Variants in CADM1 observed in about 807,000 individuals in gnomAD.
CADM1 encodes the protein cell adhesion molecule 1.
In CADM1, 15 loss-of-function variants were observed where a neutral mutation model predicts 53.1. The observed-to-expected ratio is 0.28, with a 90% CI of 0.19 to 0.44. The LOEUF is 0.44. Ranked by LOEUF, CADM1 falls within the 20% of genes least tolerant of loss-of-function variation. The pLI is 1.00. For synonymous variants in CADM1, 281 were observed against 243.0 expected (o/e 1.16, Z -1.45); for missense variants, 434 against 611.3 (o/e 0.71, Z 3.06).
chr11:115,209,799 A>T, intron 7 of CADM1, 142 bp from the exon 8 acceptor site: 1 of 970,948 alleles, frequency 1.0e-6, no homozygotes, highest in Non-Finnish European at 1.6e-6. Flanking sequence ...TCCCTGCAAG[A>T]TTTATGTCTT....
chr11:115,433,011 C>T (rs991334296), intron 1 of CADM1, among the ~76,000 whole-genome samples: 5 of 152,154 alleles, frequency 3.3e-5, no homozygotes, highest in African/African-American at 1.2e-4. Context: ...ATCATGGTTA[C>T]CAACATCCAA....
At chr11:115,398,732 T>C (rs950145713) in intron 1 of CADM1, among the ~76,000 whole-genome samples, 1 of 152,222 alleles carries the variant, frequency 6.6e-6, no homozygotes, top group Non-Finnish European at 1.5e-5. Flanking sequence ...CTAAGGCCAC[T>C]TGTGAAACAA....
intron 5 of CADM1, among the ~76,000 whole-genome samples, chr11:115,225,120 G>A (rs773644830): frequency 1.3e-5 from 2 of 152,152 alleles, no homozygotes; most frequent in Non-Finnish European, 2.9e-5. Context: ...GTCTCAGAAT[G>A]AAAGCTAGAA....
intron 1 of CADM1, among the ~76,000 whole-genome samples, chr11:115,475,600 A>G (rs773978687): frequency 2.0e-4 from 30 of 152,358 alleles, no homozygotes; most frequent in Non-Finnish European, 4.0e-4. Context: ...AAAGAAATGA[A>G]CAACTGATAG....
intron 1 of CADM1, among the ~76,000 whole-genome samples, chr11:115,307,360 G>A (rs1025830482): frequency 1.3e-5 from 2 of 151,770 alleles, no homozygotes; most frequent in African/African-American, 4.8e-5. Context: ...CAGAAAACAT[G>A]TTCCTCAAAG....
chr11:115,178,430 C>T (rs923838485), intron 11 of CADM1, among the ~76,000 whole-genome samples: 6 of 151,594 alleles, frequency 4.0e-5, no homozygotes, highest in Admixed American at 3.9e-4. Flanking sequence ...TCAAGGAGTG[C>T]TACTCATCAA....
chr11:115,319,593 A>C (rs1944767971), intron 1 of CADM1, among the ~76,000 whole-genome samples: 1 of 152,178 alleles, frequency 6.6e-6, no homozygotes, highest in South Asian at 2.1e-4. Context: ...AAGTACTCCT[A>C]AAATAAACAG....
intron 1 of CADM1, among the ~76,000 whole-genome samples, chr11:115,495,040 A>G (rs1949579879): frequency 6.6e-6 from 1 of 152,196 alleles, no homozygotes; most frequent in Admixed American, 6.5e-5. Context: ...CTCACAAGAT[A>G]TGTACGTACA....
intron 1 of CADM1, among the ~76,000 whole-genome samples, chr11:115,344,184 A>G (rs1449447708): frequency 1.9e-4 from 1 of 5,380 alleles, no homozygotes; most frequent in Non-Finnish European, 3.2e-4. Context: ...GTTGACCTCT[A>G]CTAATTTACC....
chr11:115,377,356 A>G (rs1029087972), intron 1 of CADM1: 1 of 152,190 alleles, frequency 6.6e-6, no homozygotes, highest in Non-Finnish European at 1.5e-5. Context: ...GTGTGTTCCA[A>G]TCACCTATAG....
At chr11:115,178,033 T>C (rs572682156) in intron 11 of CADM1, among the ~76,000 whole-genome samples, 10 of 152,290 alleles carry the variant, frequency 6.6e-5, no homozygotes, top group South Asian at 2.1e-4. Flanking sequence ...AGGAGGGGCA[T>C]TGGAAAAGAT....
intron 9 of CADM1, 98 bp from the exon 10 acceptor site, chr11:115,191,039 A>G (rs1422288828): frequency 4.2e-6 from 4 of 944,548 alleles, no homozygotes; most frequent in Admixed American, 2.1e-5. Flanking sequence ...AACATGAGCC[A>G]AATCTCTTGC....
chr11:115,226,186 C>A (rs978194231), intron 5 of CADM1, among the ~76,000 whole-genome samples: 3 of 151,832 alleles, frequency 2.0e-5, no homozygotes, highest in Non-Finnish European at 4.4e-5. Flanking sequence ...CTATATATAA[C>A]AAATGAAATG....
intron 1 of CADM1, among the ~76,000 whole-genome samples, chr11:115,454,289 TA>T (rs951097850): frequency 4.6e-5 from 7 of 152,148 alleles, no homozygotes; most frequent in Non-Finnish European, 7.4e-5. Flanking sequence ...GGCACTTGGC[TA>T]AAAATAGCAG....
At chr11:115,270,077 A>C (rs1436931838) in intron 1 of CADM1, among the ~76,000 whole-genome samples, 1 of 152,200 alleles carries the variant, frequency 6.6e-6, no homozygotes, top group East Asian at 1.9e-4. Context: ...AATACATCCC[A>C]AAAGGGACAT....
At chr11:115,373,583 CAAAAAAAAAAAAAAAAA>C (rs35059216) in intron 1 of CADM1, among the ~76,000 whole-genome samples, 1 of 48,830 alleles carries the variant, frequency 2.0e-5, no homozygotes, top group Non-Finnish European at 3.6e-5. Context: ...GACTCTGTCT[CAAAAAAAAAAAAAAAAA>C]AAAAAAAAGA....
At chr11:115,357,268 C>T (rs912234814) in intron 1 of CADM1, among the ~76,000 whole-genome samples, 1 of 152,148 alleles carries the variant, frequency 6.6e-6, no homozygotes, top group African/African-American at 2.4e-5. Flanking sequence ...AACAGAGCCA[C>T]GTGTAGGAAA....
intron 10 of CADM1, among the ~76,000 whole-genome samples, chr11:115,182,191 A>G (rs1181864452): frequency 6.6e-6 from 1 of 152,164 alleles, no homozygotes; most frequent in Non-Finnish European, 1.5e-5. Context: ...CGGGCAGGCA[A>G]CGAAACCAGA....
intron 1 of CADM1, among the ~76,000 whole-genome samples, chr11:115,254,549 AACAC>A (rs58261564): frequency 0.12 from 15,812 of 134,774 alleles, 1,152 homozygotes; most frequent in East Asian, 0.27. Flanking sequence ...AAGGGAGACA[AACAC>A]ACACACACAC....
Sources: allele counts gnomAD v4.1 joint callset (sites outside exome capture counted in the v4.1 genomes callset), GRCh38; gene constraint gnomAD v4.1.1; transcripts MANE v1.5; gene names NCBI Gene and HGNC (gene_info 2026-07-23, HGNC 2026-07-21).